MYRIP: variants seen among roughly 807,000 people sequenced by gnomAD.
MYRIP encodes the protein rab effector MyRIP.
MYRIP carries 49 observed loss-of-function variants against 98.0 expected under a neutral mutation model. The ratio of observed to expected loss-of-function variants is 0.50; its 90% CI spans 0.40 to 0.63. The LOEUF (loss-of-function observed/expected upper bound fraction) is 0.63. Ranked by LOEUF, MYRIP falls within the 30% of genes least tolerant of loss-of-function variation. The pLI is 0.00. For synonymous variants in MYRIP, 404 were observed against 409.5 expected (o/e 0.99, Z 0.16); for missense variants, 1,004 against 1,058.2 (o/e 0.95, Z 0.71).
intron 8 of MYRIP, among the ~76,000 whole-genome samples, chr3:40,178,756 G>C (rs1000483681): frequency 2.0e-5 from 3 of 152,186 alleles, no homozygotes; most frequent in Admixed American, 6.5e-5. Context: ...ATCCCACATA[G>C]CAAGAGGAGG....
At chr3:40,123,245 G>A (rs897585810) in intron 3 of MYRIP, among the ~76,000 whole-genome samples, 3 of 152,166 alleles carry the variant, frequency 2.0e-5, no homozygotes, top group Non-Finnish European at 4.4e-5. Context: ...ATCCAAATTT[G>A]GAAGTGGTCT....
chr3:39,974,554 G>A (rs1296533064), intron 2 of MYRIP, among the ~76,000 whole-genome samples: 5 of 152,080 alleles, frequency 3.3e-5, no homozygotes, highest in African/African-American at 9.7e-5. Context: ...CATTTTATGA[G>A]GCCAGCATCA....
Position 40,209,941 on chromosome 3 carries a change from A to G in MYRIP, c.1753A>G (p.Asn585Asp). Reference protein sequence around the residue: ...LTDTTEEKRRNRLYELAMKMS... With the variant: ...LTDTTEEKRRDRLYELAMKMS... ...AGACACCACAGAGGAGAAACGGAGAAACAGGCTGTACGAGTTAGCAATGAA... is the reference window on the plus strand; with the variant it reads ...AGACACCACAGAGGAGAAACGGAGAGACAGGCTGTACGAGTTAGCAATGAA... Residue 585 changes from asparagine to aspartate, a missense_variant, in exon 11 of 17, where the codon AAC becomes GAC. This residue lies in a region of MYRIP where 880 missense variants were observed against 907.7 expected (regional missense o/e 0.97). Transcript: ENST00000302541. The G allele has an allele frequency of 6.2e-7, 1 of 1,614,088 alleles. No homozygotes were observed. The highest frequency in any genetic ancestry group is 8.5e-7 in the Non-Finnish European group (1 of 1,179,956).
chr3:40,104,135 C>A (rs1353198798), intron 3 of MYRIP, among the ~76,000 whole-genome samples: 1 of 152,106 alleles, frequency 6.6e-6, no homozygotes, highest in Non-Finnish European at 1.5e-5. Context: ...CAGTTCAAAC[C>A]CCATGTGCAG....
At chr3:40,132,610 C>T (rs1559414010) in intron 3 of MYRIP, among the ~76,000 whole-genome samples, 2 of 152,236 alleles carry the variant, frequency 1.3e-5, no homozygotes, top group Non-Finnish European at 2.9e-5. Context: ...GGGTTTTGAC[C>T]TCTCAGTGAA....
chr3:39,896,108 C>CA (rs1216012651), intron 1 of MYRIP, among the ~76,000 whole-genome samples: 1 of 149,220 alleles, frequency 6.7e-6, no homozygotes, highest in Non-Finnish European at 1.5e-5. Flanking sequence ...TAAATGGAAA[C>CA]AAAAAACAAA....
At chr3:39,996,403 C>T (rs1320316154) in intron 2 of MYRIP, among the ~76,000 whole-genome samples, 2 of 152,112 alleles carry the variant, frequency 1.3e-5, no homozygotes, top group African/African-American at 4.8e-5. Flanking sequence ...ATAAAACAGA[C>T]TTTAAACCAA....
intron 1 of MYRIP, among the ~76,000 whole-genome samples, chr3:39,898,842 A>G (rs1943677806): frequency 6.6e-6 from 1 of 152,204 alleles, no homozygotes; most frequent in Non-Finnish European, 1.5e-5. Context: ...TTTATTGTAA[A>G]TAATAAGCAT....
chr3:39,932,548 T>G (rs1447053983), intron 2 of MYRIP, among the ~76,000 whole-genome samples: 4 of 151,290 alleles, frequency 2.6e-5, no homozygotes, highest in Non-Finnish European at 4.4e-5. Flanking sequence ...TTTTTGGGGG[T>G]TTTTTTTGGT....
intron 1 of MYRIP, among the ~76,000 whole-genome samples, chr3:39,852,378 C>T (rs568090475): frequency 2.0e-5 from 3 of 152,222 alleles, no homozygotes; most frequent in African/African-American, 7.2e-5. Flanking sequence ...TGTGGCCCTG[C>T]CTAATTTTGT....
intron 3 of MYRIP, among the ~76,000 whole-genome samples, chr3:40,096,033 C>T (rs1427927939): frequency 6.6e-6 from 1 of 151,742 alleles, no homozygotes; most frequent in Non-Finnish European, 1.5e-5. Context: ...TAACACTCCA[C>T]CATCCCCCCT....
At chr3:40,177,178 C>T (rs901927537) in intron 8 of MYRIP, among the ~76,000 whole-genome samples, 4 of 152,074 alleles carry the variant, frequency 2.6e-5, no homozygotes, top group Non-Finnish European at 5.9e-5. Flanking sequence ...GAACATAGCT[C>T]TCCCACCTTT....
Position 39,888,695 on chromosome 3 carries a change from A to G in MYRIP, c.-30-12092A>G, listed in dbSNP as rs569103642. 5.4e-3 allele frequency among the ~76,000 whole-genome samples: 815 copies of G among 152,280 alleles called. 6 individuals carry two copies. Among genetic ancestry groups the G allele is most frequent in the Middle Eastern group, 0.014 (4 of 294 alleles). ...TTGACAAATGGGATCTAATTAAACT[A>G]AAGAACTTCTGCACAGCAAAAGAAA... On this transcript the variant is annotated intron_variant, in intron 1 of 16. Coordinates refer to ENST00000302541, the MANE Select transcript of MYRIP (RefSeq NM_015460.4).
At chr3:40,137,264 G>A (rs1339579627) in intron 3 of MYRIP, among the ~76,000 whole-genome samples, 1 of 152,096 alleles carries the variant, frequency 6.6e-6, no homozygotes, top group Non-Finnish European at 1.5e-5. Flanking sequence ...ACCTCTACGT[G>A]AATAAACTAG....
intron 1 of MYRIP, among the ~76,000 whole-genome samples, chr3:39,882,136 T>TA (rs1408040034): frequency 6.6e-6 from 1 of 152,206 alleles, no homozygotes; most frequent in African/African-American, 2.4e-5. Context: ...AGCTTTTTTT[T>TA]AGTGAGCTGT....
chr3:40,084,136 C>CA lies in MYRIP; in HGVS notation c.332+39893dup, dbSNP rs753167019. Among the ~76,000 whole-genome samples the CA allele has an allele frequency of 2.1e-3, 116 of 55,076 alleles. 12 individuals carry two copies. Among genetic ancestry groups the CA allele is most frequent in the African/African-American group, 8.6e-3 (107 of 12,432 alleles). 36.1% of individuals were successfully genotyped at this position (55,076 alleles called of 152,430 possible). A position where few individuals can be genotyped will look rare whatever the true frequency, so the allele number is the denominator to read the frequency against. On this transcript the variant is annotated intron_variant, in intron 3 of 16. Transcript: ENST00000302541. Reference sequence around the variant, plus strand: ...TGGGCAACAGATCGAGACTCCATCTCAAAAAAAAAAAAAAAAAAAAAAAAA... The same window carrying CA: ...TGGGCAACAGATCGAGACTCCATCTCAAAAAAAAAAAAAAAAAAAAAAAAAA...
At chr3:39,909,094 C>T (rs754821846) in intron 2 of MYRIP, among the ~76,000 whole-genome samples, 50 of 152,046 alleles carry the variant, frequency 3.3e-4, no homozygotes, top group Non-Finnish European at 5.4e-4. Context: ...TTTAATGGTG[C>T]AGTGGGAGGC....
intron 13 of MYRIP, among the ~76,000 whole-genome samples, 191 bp downstream of exon 13, chr3:40,244,798 A>T (rs1217482748): frequency 6.6e-6 from 1 of 152,182 alleles, no homozygotes; most frequent in African/African-American, 2.4e-5. Context: ...TTCTCTGCCA[A>T]ATTAAAGTCT....
chr3:39,911,092 A>G (rs1354171033), intron 2 of MYRIP, among the ~76,000 whole-genome samples: 1 of 152,182 alleles, frequency 6.6e-6, no homozygotes, highest in Non-Finnish European at 1.5e-5. Context: ...GACAGAATGA[A>G]CCCTTTCATG....
Sources: allele counts gnomAD v4.1 joint callset (sites outside exome capture counted in the v4.1 genomes callset), GRCh38; gene constraint gnomAD v4.1.1; regional missense constraint gnomAD v4.1.1; transcripts MANE v1.5; gene names NCBI Gene and HGNC (gene_info 2026-07-23, HGNC 2026-07-21).